GABRA1: variants seen among roughly 807,000 people sequenced by gnomAD.
GABRA1 encodes gamma-aminobutyric acid receptor subunit alpha-1.
In GABRA1, 9 loss-of-function variants were observed where a neutral mutation model predicts 48.9. That is an observed-to-expected ratio of 0.18 (90% CI 0.11 to 0.32). The LOEUF is 0.32. Among genes scored for constraint, GABRA1 ranks in the 10% least tolerant of loss-of-function variants. The pLI is 1.00. For missense variants in GABRA1, 285 were observed against 553.8 expected (o/e 0.51, Z 4.87); for synonymous variants, 210 against 198.7 (o/e 1.06, Z -0.48).
At chr5:161,872,061 A>G (rs1461190088) in intron 4 of GABRA1, among the ~76,000 whole-genome samples, 1 of 152,184 alleles carries the variant, frequency 6.6e-6, no homozygotes, top group African/African-American at 2.4e-5. Flanking sequence ...TTAACATTTA[A>G]AAAACACAAC....
At chr5:161,875,197 C>T (rs1419091690) in intron 5 of GABRA1, among the ~76,000 whole-genome samples, 4 of 152,150 alleles carry the variant, frequency 2.6e-5, no homozygotes, top group African/African-American at 9.6e-5. Flanking sequence ...GTCTTCCTCT[C>T]AAGCAAGGAT....
At chr5:161,870,946 CTGTGTGTGTGTGTGTGTGTGTG>C (rs59726286) in intron 4 of GABRA1, among the ~76,000 whole-genome samples, 50 of 141,474 alleles carry the variant, frequency 3.5e-4, no homozygotes, top group East Asian at 6.4e-4. Flanking sequence ...GAGTGTTGCT[CTGTGTGTGTGTGTGTGTGTGTG>C]TGTGTGTGTG....
At position 161,868,045 on chromosome 5, in the gene GABRA1, AT is replaced by A. The variant is rs1753948330; in HGVS notation, c.255+2259del. On this transcript the variant is annotated intron_variant, in intron 4 of 9. Coordinates refer to ENST00000393943, the MANE Select transcript of GABRA1 (RefSeq NM_001127644.2). ...GGTGATAGGTTTAGGAGCCTATAAT[AT>A]TAAAAAAAAAATGAGGTCTTGTGGG... Among the ~76,000 whole-genome samples, 3 of 148,160 alleles carry A rather than the reference AT, an allele frequency of 2.0e-5. No homozygotes were observed. In the Admixed American group the frequency reaches 2.0e-4, roughly 10 times the overall value.
intron 5 of GABRA1, among the ~76,000 whole-genome samples, chr5:161,874,333 A>T (rs1365128904): frequency 6.6e-6 from 1 of 152,166 alleles, no homozygotes; most frequent in South Asian, 2.1e-4. Flanking sequence ...ATTAAAATGT[A>T]TTAGGACTTA....
At chr5:161,886,087 TG>T (rs1415874044) in intron 7 of GABRA1, among the ~76,000 whole-genome samples, 4 of 152,234 alleles carry the variant, frequency 2.6e-5, no homozygotes, top group African/African-American at 7.2e-5. Flanking sequence ...ATGGGATATA[TG>T]GGGGCCCAGA....
rs189698394 is a variant in GABRA1, at chr5:161,865,634, T to C, written c.188-87T>C. ...GAAATAGCTAATCAAAGACAATCAA[T>C]TTCCCATTTGGGTGTCAGTATGTGG... On this transcript the variant is annotated intron_variant, in intron 3 of 9. Coordinates refer to ENST00000393943, the MANE Select transcript of GABRA1 (RefSeq NM_001127644.2). The C allele has an allele frequency of 4.8e-5, 50 of 1,036,832 alleles. No individual in the cohort carries two copies. The Middle Eastern group carries it at 3.2e-3, about 67-fold the overall frequency. 64.2% of individuals were successfully genotyped at this position (1,036,832 alleles called of 1,614,324 possible). A position where few individuals can be genotyped will look rare whatever the true frequency, so the allele number is the denominator to read the frequency against.
chr5:161,876,570 C>A (rs149954108), intron 6 of GABRA1, among the ~76,000 whole-genome samples: 2 of 152,056 alleles, frequency 1.3e-5, no homozygotes, highest in African/African-American at 4.8e-5. Context: ...TAGCAAAAGG[C>A]CTTCGGGCTC....
At position 161,856,324 on chromosome 5, in the gene GABRA1, C is replaced by G. The variant is rs377192369; in HGVS notation, c.187+2054C>G. 2.9e-4 allele frequency among the ~76,000 whole-genome samples: 44 copies of G among 151,396 alleles called. No homozygotes were observed. The East Asian group carries it at 4.3e-3, about 15-fold the overall frequency. On this transcript the variant is annotated intron_variant, in intron 3 of 9. Coordinates refer to ENST00000393943, the MANE Select transcript of GABRA1 (RefSeq NM_001127644.2). ...AATCTACTTTTATCATCCAGTTAAT[C>G]CCAGAAAATAACAAAAATAGATATG... is the stretch of plus-strand genomic sequence containing the variant.
At chr5:161,882,993 G>A (rs1754682289) in intron 7 of GABRA1, among the ~76,000 whole-genome samples, 1 of 152,142 alleles carries the variant, frequency 6.6e-6, no homozygotes, top group South Asian at 2.1e-4. Context: ...GAACATCTGG[G>A]TTAAATCCTT....
At chr5:161,876,441 G>C (rs910334162) in intron 6 of GABRA1, among the ~76,000 whole-genome samples, 1 of 152,020 alleles carries the variant, frequency 6.6e-6, no homozygotes, top group Admixed American at 6.6e-5. Context: ...GTCAACTCCT[G>C]GACTACCTAA....
intron 3 of GABRA1, among the ~76,000 whole-genome samples, chr5:161,857,349 G>T (rs1196391911): frequency 6.6e-6 from 1 of 151,482 alleles, no homozygotes; most frequent in Non-Finnish European, 1.5e-5. Context: ...TCCTGTATTT[G>T]CAAATCCATC....
intron 3 of GABRA1, among the ~76,000 whole-genome samples, chr5:161,859,370 A>G (rs1757766173): frequency 6.6e-6 from 1 of 151,604 alleles, no homozygotes; most frequent in African/African-American, 2.4e-5. Context: ...AGAATTCCCA[A>G]CTCCTAATGC....
At chr5:161,893,068 T>A (rs1366719239) in intron 8 of GABRA1, among the ~76,000 whole-genome samples, 4 of 143,240 alleles carry the variant, frequency 2.8e-5, no homozygotes, top group African/African-American at 1.0e-4. Flanking sequence ...ACAGGACATA[T>A]TTATGTTTTA....
At chr5:161,876,479 A>C (rs1754359907) in intron 6 of GABRA1, among the ~76,000 whole-genome samples, 1 of 152,194 alleles carries the variant, frequency 6.6e-6, no homozygotes, top group African/African-American at 2.4e-5. Flanking sequence ...CTAGACAGGC[A>C]GTCTAAATGA....
intron 6 of GABRA1, among the ~76,000 whole-genome samples, chr5:161,877,853 T>G (rs903257858): frequency 3.9e-5 from 6 of 152,170 alleles, no homozygotes; most frequent in African/African-American, 1.4e-4. Flanking sequence ...TACTCTTCCC[T>G]TGGTTCTTAG....
At chr5:161,887,167 A>C (rs550799786) in intron 7 of GABRA1, among the ~76,000 whole-genome samples, 6 of 152,296 alleles carry the variant, frequency 3.9e-5, no homozygotes, top group Non-Finnish European at 8.8e-5. Context: ...AGTTTGGTGA[A>C]AAAGAAAGTT....
At chr5:161,867,307 A>C (rs142209168) in intron 4 of GABRA1, among the ~76,000 whole-genome samples, 2 of 152,232 alleles carry the variant, frequency 1.3e-5, no homozygotes, top group Admixed American at 1.3e-4. Context: ...AGTCATGTTT[A>C]AGGTCAAATA....
intron 4 of GABRA1, among the ~76,000 whole-genome samples, chr5:161,866,227 A>T (rs989816291): frequency 6.6e-6 from 1 of 152,230 alleles, no homozygotes; most frequent in East Asian, 1.9e-4. Flanking sequence ...TGAGTGTAAA[A>T]GTTGGCCAGA....
At position 161,860,727 on chromosome 5, in the gene GABRA1, T is replaced by C. The variant is rs542295745; in HGVS notation, c.188-4994T>C. Among the ~76,000 whole-genome samples, 157 of 151,812 alleles carry C rather than the reference T, an allele frequency of 1.0e-3. 1 individual carries two copies. Among genetic ancestry groups the C allele is most frequent in the African/African-American group, 3.7e-3 (154 of 41,518 alleles). ...GTGATTATGATGCATTGCATGCTTGTATCAAAACATCTCATGTACCACATA... is the reference window on the plus strand; with the variant it reads ...GTGATTATGATGCATTGCATGCTTGCATCAAAACATCTCATGTACCACATA... On this transcript the variant is annotated intron_variant, in intron 3 of 9. Transcript: ENST00000393943.
Sources: allele counts gnomAD v4.1 joint callset (sites outside exome capture counted in the v4.1 genomes callset), GRCh38; gene constraint gnomAD v4.1.1; transcripts MANE v1.5; gene names NCBI Gene and HGNC (gene_info 2026-07-23, HGNC 2026-07-21).